Variants in EML6 observed in about 807,000 individuals in gnomAD.
EML6 encodes the protein EMAP like 6.
Under a neutral mutation model 240.1 loss-of-function variants are expected in EML6, and 154 were observed. The ratio of observed to expected loss-of-function variants is 0.64; its 90% CI spans 0.56 to 0.73. EML6 has a LOEUF of 0.73. Ranked by LOEUF, EML6 falls within the 30% of genes least tolerant of loss-of-function variation. The probability of loss-of-function intolerance (pLI) is 0.00; values close to 1 mark genes in which losing one functional copy is unlikely to be tolerated. For missense variants in EML6, 2,964 were observed against 2,474.6 expected, an observed-to-expected ratio of 1.20 and a Z score of -4.20; for synonymous variants, 1,148 against 899.0, an observed-to-expected ratio of 1.28 and a Z score of -4.95.
At position 54,948,927 on chromosome 2, in the gene EML6, G is replaced by T. The variant is rs1253253920; in HGVS notation, c.4050G>T (p.Lys1350Asn). The change falls in exon 29 of 42, where the codon AAG becomes AAT. Residue 1350 changes from lysine to asparagine, a missense_variant. By Grantham distance (94) the Lys-to-Asn change is moderately conservative. Transcript: ENST00000356458. The stretch of plus-strand genomic sequence containing the variant: ...CTCCCCAGCCTGAGAAACTGCAGAA[G>T]AACAATATCACCAAAAAAAAGAAAC... ...RAAPQPEKLQ[K>N]NNITKKKKLV... 6.4e-7 allele frequency: 1 copy of T among 1,551,348 alleles called. No individual in the cohort carries two copies. The highest frequency in any genetic ancestry group is 8.7e-7 in the Non-Finnish European group (1 of 1,146,944).
At chr2:54,884,836 G>A (rs1436963513) in intron 17 of EML6, among the ~76,000 whole-genome samples, 1 of 152,130 alleles carries the variant, frequency 6.6e-6, no homozygotes. Context: ...TCTCTCTAAA[G>A]TATATATTAA....
At chr2:54,902,901 T>C (rs1673134510) in intron 22 of EML6, 143 bp from the exon 23 acceptor site, 1 of 711,898 alleles carries the variant, frequency 1.4e-6, no homozygotes, top group Non-Finnish European at 2.3e-6. Context: ...TAGGAAGTTT[T>C]AGTTCTCACA....
intron 13 of EML6, among the ~76,000 whole-genome samples, chr2:54,865,142 GA>G (rs1234656316): frequency 6.6e-6 from 1 of 152,120 alleles, no homozygotes; most frequent in Non-Finnish European, 1.5e-5. Flanking sequence ...CAGAATTTAG[GA>G]AAAGAAATCT....
intron 2 of EML6, among the ~76,000 whole-genome samples, chr2:54,771,752 T>A (rs1214122828): frequency 2.0e-5 from 3 of 152,270 alleles, no homozygotes; most frequent in Non-Finnish European, 4.4e-5. Context: ...CCATACAGTT[T>A]CTTTGAGGCA....
At chr2:54,857,956 TTATC>T (rs1466060471) in intron 11 of EML6, among the ~76,000 whole-genome samples, 4 of 152,224 alleles carry the variant, frequency 2.6e-5, no homozygotes, top group African/African-American at 9.6e-5. Flanking sequence ...GCTATATTAA[TTATC>T]TATTGCTGCA....
At chr2:54,938,144 G>C (rs1221826833) in intron 28 of EML6, among the ~76,000 whole-genome samples, 1 of 152,130 alleles carries the variant, frequency 6.6e-6, no homozygotes, top group Admixed American at 6.5e-5. Flanking sequence ...TCAGGAGTTC[G>C]AGACCAGCCT....
intron 26 of EML6, among the ~76,000 whole-genome samples, chr2:54,925,727 C>T (rs973023402): frequency 5.3e-5 from 8 of 152,144 alleles, no homozygotes; most frequent in African/African-American, 1.4e-4. Context: ...AACAGGAGCA[C>T]GACCCATTTT....
chr2:54,848,073 A>C (rs912078897), intron 9 of EML6, among the ~76,000 whole-genome samples: 2 of 152,182 alleles, frequency 1.3e-5, no homozygotes, highest in South Asian at 2.1e-4. Context: ...GTAGTAAGCC[A>C]AGAAAAGAGG....
At chr2:54,789,513 CAAAAAAAAAAAAAAAAAAA>C (rs576842183) in intron 2 of EML6, among the ~76,000 whole-genome samples, 4 of 77,898 alleles carry the variant, frequency 5.1e-5, no homozygotes, top group African/African-American at 1.3e-4. Context: ...GACTTCGTCT[CAAAAAAAAAAAAAAAAAAA>C]AAAAAAAAAA....
At position 54,940,442 on chromosome 2, in the gene EML6, T is replaced by A. The variant is rs79308512; in HGVS notation, c.4005-8440T>A. On this transcript the variant is annotated intron_variant, in intron 28 of 41. Transcript: ENST00000356458. ...AATCCTTGATTCCTTAATTTATTAG[T>A]CTGTGGCGTCAATATAAAATTTCAC... 2.6e-5 allele frequency among the ~76,000 whole-genome samples: 4 copies of A among 152,322 alleles called. No homozygotes were observed. The South Asian group carries it at 8.3e-4, about 32-fold the overall frequency.
At chr2:54,839,549 A>G (rs1056621423) in intron 7 of EML6, among the ~76,000 whole-genome samples, 2 of 152,170 alleles carry the variant, frequency 1.3e-5, no homozygotes, top group Non-Finnish European at 2.9e-5. Context: ...AAATGTAGCA[A>G]CTCCTTCTCT....
At chr2:54,832,287 C>G (rs1048572776) in intron 7 of EML6, among the ~76,000 whole-genome samples, 41 of 152,240 alleles carry the variant, frequency 2.7e-4, no homozygotes, top group African/African-American at 9.9e-4. Flanking sequence ...CTGAATCCCT[C>G]TCTAAGGTGC....
chr2:54,830,280 G>A lies in EML6; in HGVS notation c.847+803G>A, dbSNP rs13416418. On this transcript the variant is annotated intron_variant, in intron 7 of 41. Transcript: ENST00000356458. ...GAGGAAGTCATAGCACTGTTAATAC[G>A]CTAAGCACAGGTTGGGAGGTTCTGT... Among the ~76,000 whole-genome samples, 1,253 of 152,246 alleles carry A rather than the reference G, an allele frequency of 8.2e-3. 19 individuals are homozygous for A. The highest frequency in any genetic ancestry group is 0.028 in the African/African-American group (1,167 of 41,544).
chr2:54,887,179 T>C (rs1404166408), intron 17 of EML6, among the ~76,000 whole-genome samples: 3 of 152,312 alleles, frequency 2.0e-5, no homozygotes, highest in South Asian at 2.1e-4. Context: ...TCTGGGAGCA[T>C]TGACCTGATC....
chr2:54,950,179 T>C (rs940004769), intron 29 of EML6, among the ~76,000 whole-genome samples: 2 of 152,218 alleles, frequency 1.3e-5, no homozygotes, highest in African/African-American at 4.8e-5. Flanking sequence ...GTAGCAACTT[T>C]GTAGAGCAAG....
intron 9 of EML6, among the ~76,000 whole-genome samples, chr2:54,848,346 C>T (rs1386193943): frequency 6.6e-6 from 1 of 152,164 alleles, no homozygotes; most frequent in Admixed American, 6.5e-5. Context: ...AGAGAATTCT[C>T]CATAGCTTTG....
At chr2:54,915,162 T>A (rs1195916548) in intron 25 of EML6, among the ~76,000 whole-genome samples, 2 of 152,224 alleles carry the variant, frequency 1.3e-5, no homozygotes, top group Non-Finnish European at 2.9e-5. Context: ...TTTTTAATGC[T>A]CCATTTTAAG....
intron 17 of EML6, chr2:54,881,637 A>C (rs1290329352): frequency 7.8e-6 from 1 of 128,358 alleles, no homozygotes; most frequent in Non-Finnish European, 1.6e-5. Flanking sequence ...TGACAGAGTG[A>C]GACTCCGTCC....
At chr2:54,828,569 A>T (rs2104172977) in intron 6 of EML6, among the ~76,000 whole-genome samples, 1 of 152,354 alleles carries the variant, frequency 6.6e-6, no homozygotes, top group Non-Finnish European at 1.5e-5. Flanking sequence ...TAGAGCTATG[A>T]CATTTCAGAT....
Sources: gnomAD v4.1 joint callset for allele counts (sites outside exome capture counted in the v4.1 genomes callset) on GRCh38, gnomAD v4.1.1 for gene constraint, MANE v1.5 for transcripts, NCBI Gene and HGNC (gene_info 2026-07-23, HGNC 2026-07-21) for gene names.